Variants in GPR137C observed in about 807,000 individuals in gnomAD.
GPR137C encodes integral membrane protein GPR137C.
GPR137C carries 27 observed loss-of-function variants against 43.4 expected under a neutral mutation model. The ratio of observed to expected loss-of-function variants is 0.62; its 90% CI spans 0.46 to 0.86. The LOEUF is 0.86. Among genes scored for constraint, GPR137C ranks in the 40% least tolerant of loss-of-function variants. The pLI, the probability that GPR137C is intolerant of heterozygous loss-of-function variation, is 0.00. For missense variants in GPR137C, 522 were observed against 534.6 expected (o/e 0.98, Z 0.23); for synonymous variants, 285 against 226.9 (o/e 1.26, Z -2.30).
intron 1 of GPR137C, among the ~76,000 whole-genome samples, chr14:52,559,237 A>G (rs1262221099): frequency 1.3e-5 from 2 of 152,072 alleles, no homozygotes; most frequent in African/African-American, 4.8e-5. Flanking sequence ...TTAGCCCAGC[A>G]TGGTGGCACG....
chr14:52,562,356 G>A lies in GPR137C; in HGVS notation c.444+8765G>A, dbSNP rs140986978. Among the ~76,000 whole-genome samples, 6 of 152,208 alleles carry A rather than the reference G, an allele frequency of 3.9e-5. No individual in the cohort carries two copies. The East Asian group carries it at 1.2e-3, about 29-fold the overall frequency. On this transcript the variant is annotated intron_variant, in intron 1 of 6. Coordinates refer to ENST00000321662, the MANE Select transcript of GPR137C (RefSeq NM_001099652.2). ...ATTATATACTTCATATAAAATGTTTGGGACATGGTAGTACTATTGATTGTT... is the reference window on the plus strand; with the variant it reads ...ATTATATACTTCATATAAAATGTTTAGGACATGGTAGTACTATTGATTGTT...
At chr14:52,595,550 C>G (rs957244980) in intron 1 of GPR137C, among the ~76,000 whole-genome samples, 1 of 152,028 alleles carries the variant, frequency 6.6e-6, no homozygotes, top group African/African-American at 2.4e-5. Context: ...CTTGTCTCCT[C>G]GCTCTGTTTT....
intron 6 of GPR137C, among the ~76,000 whole-genome samples, 151 bp from the exon 7 acceptor site, chr14:52,634,786 GA>G (rs2039333364): frequency 6.6e-6 from 1 of 152,080 alleles, no homozygotes; most frequent in Admixed American, 6.6e-5. Flanking sequence ...TAAATTTGTA[GA>G]AAAGCATTTT....
chr14:52,570,490 A>AT (rs1199405990), intron 1 of GPR137C, among the ~76,000 whole-genome samples: 2 of 152,224 alleles, frequency 1.3e-5, no homozygotes, highest in Admixed American at 6.5e-5. Context: ...ACATTCACAC[A>AT]TAGCAATATT....
rs1425303158 is a variant in GPR137C at position 52,553,136 on chromosome 14, C to T, written c.-12C>T. ...CCTTCCCGCGCTCGCTCGCCCGGCCCCCAGCCCCCTCATGAGGGTGTCCGT... is the reference window on the plus strand; with the variant it reads ...CCTTCCCGCGCTCGCTCGCCCGGCCTCCAGCCCCCTCATGAGGGTGTCCGT... On this transcript the variant is annotated 5_prime_UTR_variant, in exon 1 of 7. Transcript: ENST00000321662. The T allele has an allele frequency of 8.6e-7, 1 of 1,165,830 alleles. No individual in the cohort carries two copies. The allele number at this position is 1,165,830 out of a possible 1,614,324, so 72.2% of individuals were successfully genotyped here.
intron 1 of GPR137C, among the ~76,000 whole-genome samples, chr14:52,572,092 G>C (rs748908562): frequency 6.6e-6 from 1 of 152,174 alleles, no homozygotes; most frequent in Non-Finnish European, 1.5e-5. Context: ...TTCTGAAATT[G>C]AGGCAATAAT....
intron 3 of GPR137C, chr14:52,612,813 A>G (rs2039052771): frequency 6.6e-6 from 1 of 150,452 alleles, no homozygotes. Context: ...TGATCCTGTC[A>G]TCTTGGCCTT....
chr14:52,588,006 G>A (rs973844387), intron 1 of GPR137C, among the ~76,000 whole-genome samples: 3 of 152,124 alleles, frequency 2.0e-5, no homozygotes, highest in Non-Finnish European at 4.4e-5. Context: ...ACTAGTCAAG[G>A]AAATTTGAAG....
Position 52,569,394 on chromosome 14 carries a change from G to A in GPR137C, c.444+15803G>A, listed in dbSNP as rs371184709. Among the ~76,000 whole-genome samples the A allele has an allele frequency of 2.1e-4, 32 of 151,732 alleles. 1 individual carries two copies. The highest frequency in any genetic ancestry group is 7.2e-4 in the African/African-American group (30 of 41,400). On this transcript the variant is annotated intron_variant, in intron 1 of 6. Transcript: ENST00000321662. ...AAAAAATGCATCTACTCCTCCAAAG[G>A]ATCACAACTCCTCACCAGCAAGGGA...
chr14:52,559,966 G>A (rs577019189), intron 1 of GPR137C, among the ~76,000 whole-genome samples: 54 of 152,260 alleles, frequency 3.5e-4, no homozygotes, highest in Admixed American at 1.5e-3. Flanking sequence ...TTCATGACCA[G>A]CCTGGGCAAC....
At chr14:52,605,524 T>C (rs2038974401) in intron 3 of GPR137C, among the ~76,000 whole-genome samples, 1 of 152,358 alleles carries the variant, frequency 6.6e-6, no homozygotes, top group South Asian at 2.1e-4. Flanking sequence ...CTTTCTAGTC[T>C]GGATGCCCTT....
rs1162629796 is a variant in GPR137C at position 52,635,131 on chromosome 14, A to G, written c.*16A>G. 2.0e-6 allele frequency: 3 copies of G among 1,536,682 alleles called. No individual in the cohort carries two copies. The highest frequency in any genetic ancestry group is 2.8e-5 in the African/African-American group (2 of 71,160). ...ACAAAACTGACAGCATCACCAAGTC[A>G]TGATTCTTGAGTTGTTTTTCATAAA... On this transcript the variant is annotated 3_prime_UTR_variant, in exon 7 of 7. Coordinates refer to ENST00000321662, the MANE Select transcript of GPR137C (RefSeq NM_001099652.2).
In GPR137C at chr14:52,552,954, G is replaced by T. The variant is rs1439511787; in HGVS notation, c.-194G>T. On this transcript the variant is annotated 5_prime_UTR_variant, in exon 1 of 7. Coordinates refer to ENST00000321662, the MANE Select transcript of GPR137C (RefSeq NM_001099652.2). ...GGAGGAGCCGAGACCCCCGGGGGGT[G>T]GGGGGAAAGAGGAGGCGGGGTCCGG... is the stretch of plus-strand genomic sequence containing the variant. Among the ~76,000 whole-genome samples the T allele has an allele frequency of 6.6e-6, 1 of 151,650 alleles. No homozygotes were observed. The highest frequency in any genetic ancestry group is 6.6e-5 in the Admixed American group (1 of 15,260).
At chr14:52,592,262 G>T (rs939282037) in intron 1 of GPR137C, among the ~76,000 whole-genome samples, 2 of 152,146 alleles carry the variant, frequency 1.3e-5, no homozygotes, top group African/African-American at 4.8e-5. Flanking sequence ...GTACTGTGAT[G>T]CCTCCAGCTT....
At chr14:52,583,381 G>GT (rs1440815782) in intron 1 of GPR137C, among the ~76,000 whole-genome samples, 1 of 152,136 alleles carries the variant, frequency 6.6e-6, no homozygotes, top group African/African-American at 2.4e-5. Context: ...TAATCCAAAT[G>GT]TGATTTAAGC....
intron 1 of GPR137C, among the ~76,000 whole-genome samples, chr14:52,582,443 C>T (rs947904147): frequency 1.3e-5 from 2 of 152,196 alleles, no homozygotes; most frequent in Admixed American, 6.5e-5. Flanking sequence ...ATTTGCAATA[C>T]TCTCATCTTT....
chr14:52,571,412 TC>T (rs1235772565), intron 1 of GPR137C, among the ~76,000 whole-genome samples: 1 of 152,104 alleles, frequency 6.6e-6, no homozygotes, highest in East Asian at 1.9e-4. Flanking sequence ...CACCCTAATG[TC>T]ACAACTAAAA....
intron 1 of GPR137C, among the ~76,000 whole-genome samples, chr14:52,595,817 G>A (rs113569986): frequency 0.055 from 8,358 of 152,228 alleles, 261 homozygotes; most frequent in Middle Eastern, 0.075. Context: ...GCCTACTTCT[G>A]TCAACTCGTC....
rs4460973 is a variant in GPR137C, at chr14:52,625,950, C to G, written c.718-6210C>G. On this transcript the variant is annotated intron_variant, in intron 3 of 6. Coordinates refer to ENST00000321662, the MANE Select transcript of GPR137C (RefSeq NM_001099652.2). The stretch of plus-strand genomic sequence containing the variant: ...TGGCAGCCCTCTGTATTCACAGGTC[C>G]TACATCCGTGGATTCAACTAACCTT... 7.0e-3 allele frequency among the ~76,000 whole-genome samples: 1,071 copies of G among 152,140 alleles called. 10 individuals carry two copies. Among genetic ancestry groups the G allele is most frequent in the African/African-American group, 0.025 (1,020 of 41,504 alleles).
Sources: allele counts gnomAD v4.1 joint callset (sites outside exome capture counted in the v4.1 genomes callset), GRCh38; gene constraint gnomAD v4.1.1; transcripts MANE v1.5; gene names NCBI Gene and HGNC (gene_info 2026-07-23, HGNC 2026-07-21).